The following IL1RAPL2 variants were observed in gnomAD, a reference collection of about 807,000 sequenced individuals.
IL1RAPL2 encodes the protein interleukin 1 receptor accessory protein like 2, also known as X-linked interleukin-1 receptor accessory protein-like 2.
In IL1RAPL2, 3 loss-of-function variants were observed where a neutral mutation model predicts 44.1. The observed-to-expected ratio is 0.07, with a 90% CI of 0.03 to 0.18. IL1RAPL2 has a LOEUF of 0.18. IL1RAPL2 is among the 10% of genes least tolerant of loss of function. IL1RAPL2 has a pLI of 1.00. For synonymous variants in IL1RAPL2, 181 were observed against 178.8 expected, an observed-to-expected ratio of 1.01 and a Z score of -0.10; for missense variants, 391 against 496.4, an observed-to-expected ratio of 0.79 and a Z score of 2.02.
chrX:105,409,982 G>A (rs1266827050), intron 5 of IL1RAPL2, among the ~76,000 whole-genome samples: 1 of 110,433 alleles, frequency 9.1e-6, no homozygotes, highest in Admixed American at 9.7e-5. Context: ...AATATGAACA[G>A]TAAAGGAAAG....
At chrX:105,325,559 A>ATATACACATATG (rs1320146022) in intron 5 of IL1RAPL2, among the ~76,000 whole-genome samples, 1 of 98,730 alleles carries the variant, frequency 1.0e-5, no homozygotes, top group African/African-American at 3.9e-5. Context: ...ATATATATAT[A>ATATACACATATG]TATATATATA....
At chrX:104,802,614 AAC>A (rs1199172048) in intron 2 of IL1RAPL2, among the ~76,000 whole-genome samples, 3 of 111,685 alleles carry the variant, frequency 2.7e-5, no homozygotes, top group Non-Finnish European at 5.6e-5. Flanking sequence ...TTTTTCAACT[AAC>A]ACAGCAGTAT....
chrX:104,892,065 G>A (rs186990400), intron 2 of IL1RAPL2, among the ~76,000 whole-genome samples: 14 of 111,495 alleles, frequency 1.3e-4, no homozygotes, highest in Non-Finnish European at 1.9e-4. Context: ...TGTGGTTTTC[G>A]TCTTTGGTTC....
intron 1 of IL1RAPL2, among the ~76,000 whole-genome samples, chrX:104,586,345 C>G (rs1444792641): frequency 9.0e-6 from 1 of 111,530 alleles, no homozygotes; most frequent in Non-Finnish European, 1.9e-5. Context: ...GATATTAGAC[C>G]TTTGTCACAT....
chrX:105,496,633 G>A (rs761798377), intron 6 of IL1RAPL2, among the ~76,000 whole-genome samples: 3 of 111,798 alleles, frequency 2.7e-5, no homozygotes, highest in Admixed American at 9.5e-5. Flanking sequence ...GCATTGACAC[G>A]TGTAGTGATT....
intron 3 of IL1RAPL2, among the ~76,000 whole-genome samples, chrX:105,202,909 A>G (rs2033729863): frequency 8.9e-6 from 1 of 111,782 alleles, no homozygotes. Flanking sequence ...TGGACCTCAA[A>G]TTGACCTTTA....
chrX:104,614,777 T>A (rs1298692435), intron 1 of IL1RAPL2, among the ~76,000 whole-genome samples: 1 of 112,171 alleles, frequency 8.9e-6, no homozygotes, highest in South Asian at 3.7e-4. Flanking sequence ...TGTTGTTGGT[T>A]TAAATTCTGT....
At chrX:104,649,589 A>G (rs1196485071) in intron 1 of IL1RAPL2, among the ~76,000 whole-genome samples, 4 of 111,976 alleles carry the variant, frequency 3.6e-5, no homozygotes, top group Non-Finnish European at 7.5e-5. Context: ...CTTTCTCTGT[A>G]TATATGTATG....
At chrX:104,730,513 A>T (rs1295054976) in intron 2 of IL1RAPL2, among the ~76,000 whole-genome samples, 4 of 105,693 alleles carry the variant, frequency 3.8e-5, no homozygotes, top group East Asian at 6.1e-4. Flanking sequence ...GAGAATGACG[A>T]TTTCCAATTT....
intron 2 of IL1RAPL2, among the ~76,000 whole-genome samples, chrX:104,782,116 C>T (rs981885350): frequency 5.4e-5 from 6 of 111,549 alleles, no homozygotes; most frequent in African/African-American, 1.3e-4. Flanking sequence ...CAATAAATTT[C>T]GACTGTGTAT....
intron 2 of IL1RAPL2, among the ~76,000 whole-genome samples, chrX:104,862,958 A>G (rs1330996837): frequency 7.2e-5 from 8 of 111,454 alleles, no homozygotes; most frequent in Non-Finnish European, 1.3e-4. Flanking sequence ...AAGACCAGTT[A>G]GGAAAGTGTT....
At chrX:104,900,038 T>C (rs980183404) in intron 2 of IL1RAPL2, among the ~76,000 whole-genome samples, 2 of 111,855 alleles carry the variant, frequency 1.8e-5, no homozygotes, top group Non-Finnish European at 3.8e-5. Context: ...TTAATTTTAA[T>C]TATTAGCGAA....
chrX:105,153,586 G>A (rs2033245697), intron 2 of IL1RAPL2, among the ~76,000 whole-genome samples: 1 of 112,067 alleles, frequency 8.9e-6, no homozygotes, highest in South Asian at 3.7e-4. Flanking sequence ...GTCCAAGGTG[G>A]TTGGGTTACA....
chrX:104,793,240 G>T (rs1407777081), intron 2 of IL1RAPL2, among the ~76,000 whole-genome samples: 1 of 111,478 alleles, frequency 9.0e-6, no homozygotes, highest in African/African-American at 3.3e-5. Flanking sequence ...TGAACTAAGT[G>T]GTATATTTTC....
At chrX:104,806,927 C>T (rs1315040667) in intron 2 of IL1RAPL2, among the ~76,000 whole-genome samples, 1 of 111,738 alleles carries the variant, frequency 8.9e-6, no homozygotes, top group African/African-American at 3.3e-5. Context: ...ATGCTGTTGG[C>T]TGCTTGTATT....
chrX:105,280,971 C>T (rs1367896075), intron 5 of IL1RAPL2, among the ~76,000 whole-genome samples: 2 of 111,169 alleles, frequency 1.8e-5, no homozygotes, highest in African/African-American at 3.3e-5. Context: ...AAGGCACATG[C>T]GCCCATGTTT....
chrX:104,656,097 A>C (rs1930252563), intron 1 of IL1RAPL2, among the ~76,000 whole-genome samples: 1 of 110,568 alleles, frequency 9.0e-6, no homozygotes, highest in East Asian at 2.8e-4. Flanking sequence ...GTGGTCTATC[A>C]ATTTTTTTGA....
chrX:104,986,690 G>T (rs1431184394), intron 2 of IL1RAPL2, among the ~76,000 whole-genome samples: 1 of 112,215 alleles, frequency 8.9e-6, no homozygotes, highest in East Asian at 2.8e-4. Flanking sequence ...AATATAAGTT[G>T]AATAAAGTCA....
Position 105,661,601 on chromosome X carries a change from T to C in IL1RAPL2, c.773-55766T>C, listed in dbSNP as rs188104189. 1.3e-3 allele frequency among the ~76,000 whole-genome samples: 146 copies of C among 112,307 alleles called. 2 individuals are homozygous for C. Among genetic ancestry groups the C allele is most frequent in the African/African-American group, 4.5e-3 (140 of 30,995 alleles). ...TTTTCTGACCATAATGGGATAAAAC[T>C]AGAAATCAATAACAAGAGGAATTTG... is the stretch of plus-strand genomic sequence containing the variant. On this transcript the variant is annotated intron_variant, in intron 6 of 10. Coordinates refer to ENST00000372582, the MANE Select transcript of IL1RAPL2 (RefSeq NM_017416.2).
Sources: gnomAD v4.1 joint callset for allele counts (sites outside exome capture counted in the v4.1 genomes callset) on GRCh38, gnomAD v4.1.1 for gene constraint, MANE v1.5 for transcripts, NCBI Gene and HGNC (gene_info 2026-07-23, HGNC 2026-07-21) for gene names.